Variants in MEGF11 observed in about 807,000 individuals in gnomAD.
MEGF11 encodes multiple epidermal growth factor-like domains protein 11.
MEGF11 carries 126 observed loss-of-function variants against 146.6 expected under a neutral mutation model. The observed-to-expected ratio is 0.86, with a 90% CI of 0.74 to 1.00. The LOEUF is 1.00. MEGF11 is among the 50% of genes least tolerant of loss of function. The pLI is 0.00. For missense variants in MEGF11, 1,509 were observed against 1,521.2 expected (o/e 0.99, Z 0.13); for synonymous variants, 532 against 583.4 (o/e 0.91, Z 1.27).
chr15:66,031,697 C>T (rs2083528205), intron 5 of MEGF11, among the ~76,000 whole-genome samples: 1 of 152,194 alleles, frequency 6.6e-6, no homozygotes, highest in African/African-American at 2.4e-5. Context: ...TGAGCAACTA[C>T]TTATCTTCTC....
At chr15:66,006,878 C>T (rs915550644) in intron 5 of MEGF11, among the ~76,000 whole-genome samples, 2 of 152,178 alleles carry the variant, frequency 1.3e-5, no homozygotes, top group Admixed American at 6.5e-5. Flanking sequence ...GGGAGGGAGA[C>T]CTTCATGCTT....
chr15:66,150,215 C>A (rs2089512661), intron 1 of MEGF11, among the ~76,000 whole-genome samples: 1 of 152,214 alleles, frequency 6.6e-6, no homozygotes, highest in Admixed American at 6.5e-5. Context: ...GGGAGAACGG[C>A]AGTTCAAAGC....
chr15:66,188,923 T>G (rs8035387), intron 1 of MEGF11, among the ~76,000 whole-genome samples: 19,688 of 152,216 alleles, frequency 0.13, 1,593 homozygotes, highest in Non-Finnish European at 0.19. Flanking sequence ...TGCTTCCCAG[T>G]CAGCAGATTT....
intron 8 of MEGF11, among the ~76,000 whole-genome samples, chr15:65,968,048 T>G (rs2081171227): frequency 6.6e-6 from 1 of 152,152 alleles, no homozygotes; most frequent in Admixed American, 6.5e-5. Flanking sequence ...AGATTGTCTT[T>G]CTGCAAATCT....
chr15:66,220,913 T>C (rs1273298316), intron 1 of MEGF11, among the ~76,000 whole-genome samples: 1 of 151,926 alleles, frequency 6.6e-6, no homozygotes, highest in African/African-American at 2.4e-5. Flanking sequence ...TATGACAAAA[T>C]TCAGAGGAAT....
At chr15:66,067,457 G>T (rs2085178514) in intron 5 of MEGF11, among the ~76,000 whole-genome samples, 2 of 152,202 alleles carry the variant, frequency 1.3e-5, no homozygotes, top group Non-Finnish European at 2.9e-5. Flanking sequence ...GCAATTACAG[G>T]ACTTGCTGGA....
intron 5 of MEGF11, among the ~76,000 whole-genome samples, chr15:66,011,114 G>A (rs1264273971): frequency 6.6e-6 from 1 of 152,216 alleles, no homozygotes; most frequent in Non-Finnish European, 1.5e-5. Context: ...GGTGGGGCAG[G>A]AGCTGCTCTG....
chr15:66,128,266 C>A lies in MEGF11; in HGVS notation c.98+40G>T, dbSNP rs767643303. The A allele has an allele frequency of 7.5e-6, 10 of 1,337,404 alleles. No homozygotes were observed. The African/African-American group carries it at 1.4e-4, about 18-fold the overall frequency. The allele number at this position is 1,337,404 out of a possible 1,614,324, so 82.8% of individuals were successfully genotyped here. On this transcript the variant is annotated intron_variant, in intron 2 of 25. Coordinates refer to ENST00000395614, the MANE Select transcript of MEGF11 (RefSeq NM_001385028.1). ...CCCCTACTGCCATGCCCAGGGCGATCCCCCAGAGAGTGCCTGGCCATCTGA... is the reference window on the plus strand; with the variant it reads ...CCCCTACTGCCATGCCCAGGGCGATACCCCAGAGAGTGCCTGGCCATCTGA...
intron 1 of MEGF11, among the ~76,000 whole-genome samples, chr15:66,199,429 C>A (rs1329764625): frequency 6.6e-6 from 1 of 152,118 alleles, no homozygotes; most frequent in Non-Finnish European, 1.5e-5. Context: ...CTGTCAATCT[C>A]TGGCTTGCTC....
intron 1 of MEGF11, among the ~76,000 whole-genome samples, chr15:66,188,658 G>A (rs1300953084): frequency 2.0e-5 from 3 of 152,162 alleles, no homozygotes; most frequent in Non-Finnish European, 4.4e-5. Context: ...GTAGATACCA[G>A]TACCTGAACC....
intron 5 of MEGF11, among the ~76,000 whole-genome samples, chr15:66,001,871 T>A (rs1191809279): frequency 6.6e-6 from 1 of 152,040 alleles, no homozygotes; most frequent in Non-Finnish European, 1.5e-5. Context: ...AGGCCCTGAG[T>A]GAAAGGAGCA....
intron 3 of MEGF11, among the ~76,000 whole-genome samples, chr15:66,121,128 A>C (rs2088003743): frequency 6.6e-6 from 1 of 152,192 alleles, no homozygotes; most frequent in South Asian, 2.1e-4. Context: ...ATGTTCTAGG[A>C]ATACAGCCTA....
intron 9 of MEGF11, among the ~76,000 whole-genome samples, chr15:65,961,390 TTCTTTCAGCTGC>T (rs1199866204): frequency 6.6e-6 from 1 of 152,236 alleles, no homozygotes; most frequent in Non-Finnish European, 1.5e-5. Flanking sequence ...TTTTCTGCCT[TTCTTTCAGCTGC>T]TATGAGATTT....
At chr15:66,066,013 A>C in intron 5 of MEGF11, among the ~76,000 whole-genome samples, 1 of 152,096 alleles carries the variant, frequency 6.6e-6, no homozygotes, top group East Asian at 1.9e-4. Context: ...AGACCTGAAA[A>C]AGCCATTTCA....
chr15:65,912,286 C>G (rs560519547), intron 20 of MEGF11, 86 bp from the exon 21 acceptor site: 21 of 795,770 alleles, frequency 2.6e-5, no homozygotes, highest in Non-Finnish European at 3.4e-5. Context: ...CGCTGGGAGC[C>G]TTGAGAGAGC....
chr15:65,999,076 G>A (rs1348754733), intron 5 of MEGF11, among the ~76,000 whole-genome samples: 1 of 148,590 alleles, frequency 6.7e-6, no homozygotes, highest in East Asian at 2.0e-4. Context: ...ACAGGGTCTC[G>A]TTCTGTTGCC....
chr15:65,907,443 C>T (rs960278788), intron 23 of MEGF11, among the ~76,000 whole-genome samples: 1 of 152,064 alleles, frequency 6.6e-6, no homozygotes, highest in African/African-American at 2.4e-5. Flanking sequence ...TACAGGCATG[C>T]ACCACCACTC....
chr15:66,017,912 C>A (rs1047109144), intron 5 of MEGF11, among the ~76,000 whole-genome samples: 2 of 152,152 alleles, frequency 1.3e-5, no homozygotes, highest in Non-Finnish European at 2.9e-5. Flanking sequence ...GAGAGGCAGG[C>A]CCTCAAGGAC....
intron 5 of MEGF11, among the ~76,000 whole-genome samples, chr15:66,082,955 C>T (rs559772665): frequency 6.6e-6 from 1 of 152,160 alleles, no homozygotes; most frequent in African/African-American, 2.4e-5. Flanking sequence ...CCTCACCTGT[C>T]CCAGGCCAGG....
Sources: allele counts gnomAD v4.1 joint callset (sites outside exome capture counted in the v4.1 genomes callset), GRCh38; gene constraint gnomAD v4.1.1; transcripts MANE v1.5; gene names NCBI Gene and HGNC (gene_info 2026-07-23, HGNC 2026-07-21).